Variants in ZBTB7C observed in about 807,000 individuals in gnomAD.
The protein encoded by ZBTB7C is zinc finger and BTB domain containing 7C.
In ZBTB7C, 8 loss-of-function variants were observed where a neutral mutation model predicts 25.7. The observed-to-expected ratio is 0.31, with a 90% CI of 0.18 to 0.56. The LOEUF is 0.56. ZBTB7C is among the 20% of genes least tolerant of loss of function. ZBTB7C has a pLI of 0.91. For missense variants in ZBTB7C, 824 were observed against 855.2 expected, an observed-to-expected ratio of 0.96 and a Z score of 0.46; for synonymous variants, 394 against 369.0, an observed-to-expected ratio of 1.07 and a Z score of -0.78.
intron 1 of ZBTB7C, among the ~76,000 whole-genome samples, chr18:48,340,811 G>A (rs1297597516): frequency 3.3e-5 from 5 of 152,154 alleles, no homozygotes; most frequent in Non-Finnish European, 5.9e-5. Context: ...AAACTGCACC[G>A]TCCACTCCCA....
chr18:48,211,953 G>T (rs760476485), intron 2 of ZBTB7C, among the ~76,000 whole-genome samples: 1 of 152,104 alleles, frequency 6.6e-6, no homozygotes. Context: ...GTCCTTCAGC[G>T]GGTGAATGGA....
intron 2 of ZBTB7C, among the ~76,000 whole-genome samples, chr18:48,216,046 T>TA (rs1168186416): frequency 6.6e-6 from 1 of 152,194 alleles, no homozygotes; most frequent in African/African-American, 2.4e-5. Context: ...GAGAGTATAA[T>TA]AAGGCGTGTC....
At chr18:48,212,304 A>C (rs1198360457) in intron 2 of ZBTB7C, among the ~76,000 whole-genome samples, 1 of 152,206 alleles carries the variant, frequency 6.6e-6, no homozygotes, top group Non-Finnish European at 1.5e-5. Flanking sequence ...AGACAGTAAA[A>C]GGATTAGTGG....
At chr18:48,407,558 A>C (rs1186174266) in intron 1 of ZBTB7C, among the ~76,000 whole-genome samples, 5 of 152,158 alleles carry the variant, frequency 3.3e-5, no homozygotes, top group African/African-American at 1.2e-4. Flanking sequence ...TGCCCAGGGA[A>C]GTCTCTCCAC....
chr18:48,077,892 G>A (rs776282379), intron 3 of ZBTB7C, among the ~76,000 whole-genome samples: 14 of 148,594 alleles, frequency 9.4e-5, no homozygotes, highest in Admixed American at 2.1e-4. Context: ...AGCCTCCCCA[G>A]CTCACCTGGC....
intron 3 of ZBTB7C, among the ~76,000 whole-genome samples, chr18:48,111,341 T>C (rs2039232206): frequency 1.3e-5 from 2 of 152,252 alleles, no homozygotes; most frequent in African/African-American, 4.8e-5. Flanking sequence ...AGGGACTTTG[T>C]TCTTATGCTT....
intron 1 of ZBTB7C, among the ~76,000 whole-genome samples, chr18:48,403,114 G>C (rs564861367): frequency 1.3e-5 from 2 of 152,116 alleles, no homozygotes; most frequent in Non-Finnish European, 2.9e-5. Flanking sequence ...TGAATGAAGC[G>C]GGTGGAAAAA....
At chr18:48,166,760 T>G (rs1290783743) in intron 3 of ZBTB7C, among the ~76,000 whole-genome samples, 2 of 152,208 alleles carry the variant, frequency 1.3e-5, no homozygotes, top group Non-Finnish European at 2.9e-5. Context: ...GAGCCGTAGA[T>G]GGACCATATT....
chr18:48,337,060 G>A (rs1378285579), intron 2 of ZBTB7C, among the ~76,000 whole-genome samples: 2 of 152,170 alleles, frequency 1.3e-5, no homozygotes, highest in Admixed American at 6.5e-5. Flanking sequence ...CTAGAGCTGG[G>A]CTCAGCTTTC....
At chr18:48,152,758 G>C (rs571950096) in intron 3 of ZBTB7C, among the ~76,000 whole-genome samples, 2 of 152,238 alleles carry the variant, frequency 1.3e-5, no homozygotes, top group Non-Finnish European at 2.9e-5. Flanking sequence ...GCTGTCTCTT[G>C]CATAAGATGG....
At chr18:48,241,063 C>G (rs1242152203) in intron 2 of ZBTB7C, among the ~76,000 whole-genome samples, 1 of 151,602 alleles carries the variant, frequency 6.6e-6, no homozygotes, top group African/African-American at 2.4e-5. Context: ...TCATATCAGA[C>G]AAGATAGCCT....
Position 48,361,995 on chromosome 18 carries a change from G to A in ZBTB7C, c.-303-23597C>T, listed in dbSNP as rs929820751. 5.3e-5 allele frequency among the ~76,000 whole-genome samples: 8 copies of A among 152,296 alleles called. 1 individual carries two copies. The highest frequency in any genetic ancestry group is 1.3e-4 in the Admixed American group (2 of 15,292). On this transcript the variant is annotated intron_variant, in intron 1 of 4. Coordinates refer to ENST00000590800, the MANE Select transcript of ZBTB7C (RefSeq NM_001318841.2). ...GCCAGGGAGCATGTGCCTCTCTCAG[G>A]TGAGCTCCCATTCCACCTTCCCAAC...
intron 3 of ZBTB7C, among the ~76,000 whole-genome samples, chr18:48,044,672 C>G (rs1351061197): frequency 6.6e-6 from 1 of 152,226 alleles, no homozygotes; most frequent in Non-Finnish European, 1.5e-5. Context: ...GTCCCACCTC[C>G]TTGGCCCCAA....
intron 3 of ZBTB7C, among the ~76,000 whole-genome samples, chr18:48,142,027 C>T (rs1487730264): frequency 6.6e-6 from 1 of 152,258 alleles, no homozygotes; most frequent in South Asian, 2.1e-4. Flanking sequence ...CGAACTGAAG[C>T]TAAGCTACAC....
chr18:48,155,636 A>C (rs544202707), intron 3 of ZBTB7C, among the ~76,000 whole-genome samples: 2 of 151,926 alleles, frequency 1.3e-5, no homozygotes, highest in African/African-American at 4.8e-5. Flanking sequence ...CGCCCGGCCA[A>C]CTCTAATATT....
At chr18:48,159,094 A>G (rs543126042) in intron 3 of ZBTB7C, among the ~76,000 whole-genome samples, 33 of 152,328 alleles carry the variant, frequency 2.2e-4, no homozygotes, top group African/African-American at 7.0e-4. Flanking sequence ...GGCCTCAAGG[A>G]GCATAACCAC....
At chr18:48,369,212 G>T (rs1568405900) in intron 1 of ZBTB7C, among the ~76,000 whole-genome samples, 1 of 152,078 alleles carries the variant, frequency 6.6e-6, no homozygotes, top group Non-Finnish European at 1.5e-5. Flanking sequence ...ACTCAAGTTG[G>T]TAAAATCATG....
At chr18:48,325,621 G>T (rs573664613) in intron 2 of ZBTB7C, among the ~76,000 whole-genome samples, 1 of 152,342 alleles carries the variant, frequency 6.6e-6, no homozygotes, top group South Asian at 2.1e-4. Context: ...GCTACCCAGG[G>T]AGGTAAAGGA....
chr18:48,084,414 C>T (rs189261412), intron 3 of ZBTB7C, among the ~76,000 whole-genome samples: 26 of 152,278 alleles, frequency 1.7e-4, no homozygotes, highest in Admixed American at 1.6e-3. Flanking sequence ...AGGAAGCGGC[C>T]ATCTTTAGCT....
Sources: gnomAD v4.1 joint callset for allele counts (sites outside exome capture counted in the v4.1 genomes callset) on GRCh38, gnomAD v4.1.1 for gene constraint, MANE v1.5 for transcripts, NCBI Gene and HGNC (gene_info 2026-07-23, HGNC 2026-07-21) for gene names.